Variants in EMID1 observed in about 807,000 individuals in gnomAD.
EMID1 encodes the protein EMI domain-containing protein 1.
In EMID1, 40 loss-of-function variants were observed where a neutral mutation model predicts 60.6. The ratio of observed to expected loss-of-function variants is 0.66; its 90% CI spans 0.51 to 0.86. The LOEUF (loss-of-function observed/expected upper bound fraction) is 0.86, where lower values mean the gene tolerates loss of function less well. Ranked by LOEUF, EMID1 falls within the 40% of genes least tolerant of loss-of-function variation. EMID1 has a pLI of 0.00. For synonymous variants in EMID1, 242 were observed against 231.0 expected (o/e 1.05, Z -0.43); for missense variants, 585 against 597.1 (o/e 0.98, Z 0.21).
intron 10 of EMID1, 39 bp downstream of exon 10, chr22:29,233,705 C>T: frequency 6.3e-7 from 1 of 1,582,862 alleles, no homozygotes; most frequent in African/African-American, 1.3e-5. Flanking sequence ...ATGTGTCTGT[C>T]CATCTTTCCA....
intron 3 of EMID1, 73 bp downstream of exon 3, chr22:29,215,703 G>A (rs1245852163): frequency 7.2e-5 from 87 of 1,204,058 alleles, no homozygotes; most frequent in South Asian, 5.4e-4. Context: ...GCATGGAGCC[G>A]TGAACTATTA....
chr22:29,218,137 G>A (rs1473368519), intron 3 of EMID1, among the ~76,000 whole-genome samples: 2 of 152,208 alleles, frequency 1.3e-5, no homozygotes, highest in African/African-American at 4.8e-5. Context: ...TAGATGCTCC[G>A]CAAATGTCTT....
At chr22:29,250,450 A>C (rs4823024) in intron 13 of EMID1, among the ~76,000 whole-genome samples, 88,249 of 152,158 alleles carry the variant, frequency 0.58, 25,879 homozygotes, top group Middle Eastern at 0.66. Context: ...AGGCTAAATA[A>C]TCTTGGCAGG....
intron 13 of EMID1, among the ~76,000 whole-genome samples, chr22:29,246,332 T>A (rs1338612248): frequency 6.6e-6 from 1 of 152,194 alleles, no homozygotes; most frequent in Non-Finnish European, 1.5e-5. Context: ...TTGAAGGCTC[T>A]AGAAGCAGCA....
chr22:29,250,415 T>G (rs2041481557), intron 13 of EMID1, among the ~76,000 whole-genome samples: 1 of 152,248 alleles, frequency 6.6e-6, no homozygotes, highest in African/African-American at 2.4e-5. Flanking sequence ...TAAATTTGTC[T>G]GATTGTTTCT....
chr22:29,206,644 TG>T (rs956687083), intron 1 of EMID1, among the ~76,000 whole-genome samples: 3 of 152,200 alleles, frequency 2.0e-5, no homozygotes, highest in African/African-American at 7.2e-5. Context: ...CCCAGGGACC[TG>T]GCATTTTGGA....
chr22:29,224,778 A>G (rs932765524), intron 3 of EMID1, among the ~76,000 whole-genome samples: 1 of 152,252 alleles, frequency 6.6e-6, no homozygotes, highest in African/African-American at 2.4e-5. Context: ...ATGGGAAAAT[A>G]AGTCCAGAGA....
chr22:29,252,838 G>T (rs182685304), intron 13 of EMID1, among the ~76,000 whole-genome samples: 57 of 152,274 alleles, frequency 3.7e-4, no homozygotes, highest in African/African-American at 1.3e-3. Flanking sequence ...CCAGATTGTG[G>T]ACCTGGCATA....
Position 29,259,076 on chromosome 22 carries a change from G to C in EMID1, c.*132G>C. 7.3e-7 allele frequency: 1 copy of C among 1,376,768 alleles called. No homozygotes were observed. The allele number at this position is 1,376,768 out of a possible 1,614,324, so 85.3% of individuals were successfully genotyped here. A position where few individuals can be genotyped will look rare whatever the true frequency, so the allele number is the denominator to read the frequency against. ...GTCCCTTCTGCCATCTAGGCCTTAGGGGTAAGCAGGTCTCAGTCCTGGCAC... is the reference window on the plus strand; with the variant it reads ...GTCCCTTCTGCCATCTAGGCCTTAGCGGTAAGCAGGTCTCAGTCCTGGCAC... On this transcript the variant is annotated 3_prime_UTR_variant, in exon 15 of 15. Coordinates refer to ENST00000334018, the MANE Select transcript of EMID1 (RefSeq NM_133455.4).
chr22:29,224,625 C>T (rs367651528), intron 3 of EMID1, among the ~76,000 whole-genome samples: 12 of 152,342 alleles, frequency 7.9e-5, no homozygotes, highest in East Asian at 3.9e-4. Context: ...GTGTGGATGG[C>T]GACAGCCACG....
intron 14 of EMID1, among the ~76,000 whole-genome samples, chr22:29,256,106 G>A (rs531236242): frequency 2.6e-5 from 4 of 152,196 alleles, no homozygotes; most frequent in South Asian, 4.1e-4. Flanking sequence ...CTGCCCAGCC[G>A]CCCTATCTCG....
chr22:29,222,406 CTTTTT>C (rs67787562), intron 3 of EMID1, among the ~76,000 whole-genome samples: 6 of 88,702 alleles, frequency 6.8e-5, no homozygotes, highest in Admixed American at 1.2e-4. Context: ...TTTATGCTGA[CTTTTT>C]TTTTTTTTTT....
intron 1 of EMID1, among the ~76,000 whole-genome samples, chr22:29,208,514 A>G (rs1196514735): frequency 6.6e-6 from 1 of 152,122 alleles, no homozygotes; most frequent in Admixed American, 6.5e-5. Context: ...AGCCTTCACC[A>G]GCCCAGATCT....
At chr22:29,242,101 T>C (rs1450536059) in intron 12 of EMID1, among the ~76,000 whole-genome samples, 3 of 152,070 alleles carry the variant, frequency 2.0e-5, no homozygotes, top group African/African-American at 4.8e-5. Context: ...TTTTTGTTTT[T>C]TCATTTTTAG....
In EMID1 at chr22:29,215,651, C is replaced by A. The variant is rs372434289; in HGVS notation, c.319+21C>A. The stretch of plus-strand genomic sequence containing the variant: ...GGAAGGTAGGACTGCCCGGCCGGCT[C>A]CCGGAGCCCTGCGACAGCAGGCCAG... On this transcript the variant is annotated intron_variant, in intron 3 of 14. Transcript: ENST00000334018. 3 of 1,606,778 alleles carry A rather than the reference C, an allele frequency of 1.9e-6. No individual in the cohort carries two copies. The East Asian group carries it at 6.7e-5, about 36-fold the overall frequency.
At chr22:29,248,862 A>G (rs549347987) in intron 13 of EMID1, among the ~76,000 whole-genome samples, 2 of 152,088 alleles carry the variant, frequency 1.3e-5, no homozygotes, top group Non-Finnish European at 2.9e-5. Flanking sequence ...AGTAAGTAAA[A>G]TATAGTAAAT....
chr22:29,250,858 G>C (rs2041503679), intron 13 of EMID1, among the ~76,000 whole-genome samples: 1 of 146,206 alleles, frequency 6.8e-6, no homozygotes, highest in Non-Finnish European at 1.5e-5. Context: ...GCCTCCCAAA[G>C]TGCTGGGATT....
At chr22:29,231,334 G>A (rs2040732603) in intron 6 of EMID1, 194 bp downstream of exon 6, 8 of 933,362 alleles carry the variant, frequency 8.6e-6, no homozygotes, top group South Asian at 1.7e-5. Context: ...AGTCCCTGGA[G>A]ACCAAGCAGC....
At chr22:29,207,503 C>A (rs1461723025) in intron 1 of EMID1, among the ~76,000 whole-genome samples, 2 of 151,982 alleles carry the variant, frequency 1.3e-5, no homozygotes, top group African/African-American at 2.4e-5. Flanking sequence ...ACTCAGAAAT[C>A]CCACTGTTAG....
Sources: gnomAD v4.1 joint callset for allele counts (sites outside exome capture counted in the v4.1 genomes callset) on GRCh38, gnomAD v4.1.1 for gene constraint, MANE v1.5 for transcripts, NCBI Gene and HGNC (gene_info 2026-07-23, HGNC 2026-07-21) for gene names.